The following COL26A1 variants were observed in gnomAD, a reference collection of about 807,000 sequenced individuals.
COL26A1 encodes the protein collagen type XXVI alpha 1 chain, also known as collagen alpha-1(XXVI) chain.
Under a neutral mutation model 59.3 loss-of-function variants are expected in COL26A1, and 41 were observed. That is an observed-to-expected ratio of 0.69 (90% CI 0.54 to 0.90). The LOEUF (loss-of-function observed/expected upper bound fraction) is 0.90. Ranked by LOEUF, COL26A1 falls within the 40% of genes least tolerant of loss-of-function variation. The pLI is 0.00. For synonymous variants in COL26A1, 266 were observed against 256.0 expected, an observed-to-expected ratio of 1.04 and a Z score of -0.37; for missense variants, 612 against 602.3, an observed-to-expected ratio of 1.02 and a Z score of -0.17.
intron 1 of COL26A1, among the ~76,000 whole-genome samples, chr7:101,388,282 G>A (rs909198636): frequency 1.3e-5 from 2 of 151,624 alleles, no homozygotes. Context: ...AGACCAGCCT[G>A]GCCAACATGG....
chr7:101,400,351 C>CTTTTTTTTTT lies in COL26A1; in HGVS notation c.159-19625_159-19624insTTTTTTTTTT, dbSNP rs1387032420. Among the ~76,000 whole-genome samples, 11 of 123,352 alleles carry CTTTTTTTTTT rather than the reference C, an allele frequency of 8.9e-5. 1 individual carries two copies. The highest frequency in any genetic ancestry group is 1.5e-4 in the Non-Finnish European group (9 of 59,072). The allele number at this position is 123,352 out of a possible 152,430, so 80.9% of individuals were successfully genotyped here. A position where few individuals can be genotyped will look rare whatever the true frequency, so the allele number is the denominator to read the frequency against. ...GTCCACACTGCCTTTCTTTTTTTTC[C>CTTTTTTTTTT]TATTTTTTTTTTTTTTTTTTTTTTT... On this transcript the variant is annotated intron_variant, in intron 1 of 12. Transcript: ENST00000313669.
chr7:101,445,776 G>A (rs1355145583), intron 2 of COL26A1, among the ~76,000 whole-genome samples: 1 of 144,236 alleles, frequency 6.9e-6, no homozygotes, highest in Non-Finnish European at 1.5e-5. Flanking sequence ...GGCACCAGGC[G>A]CGGTGGCCCA....
intron 3 of COL26A1, among the ~76,000 whole-genome samples, chr7:101,485,899 A>G (rs1794258341): frequency 6.6e-6 from 1 of 152,134 alleles, no homozygotes; most frequent in Non-Finnish European, 1.5e-5. Context: ...GAGCCCGGGC[A>G]CGATGGCTCA....
At chr7:101,389,275 G>A (rs28623299) in intron 1 of COL26A1, among the ~76,000 whole-genome samples, 9,350 of 151,884 alleles carry the variant, frequency 0.062, 652 homozygotes, top group African/African-American at 0.16. Flanking sequence ...TTATTAAGCT[G>A]TTAGCCCTGT....
intron 8 of COL26A1, 42 bp downstream of exon 8, chr7:101,547,281 CCCCA>C: frequency 7.0e-7 from 1 of 1,436,658 alleles, no homozygotes; most frequent in Non-Finnish European, 9.5e-7. Context: ...GACTCCATCC[CCCCA>C]GGGCTGGCCT....
intron 7 of COL26A1, among the ~76,000 whole-genome samples, chr7:101,545,730 C>T (rs17135609): frequency 0.064 from 9,762 of 152,244 alleles, 1,035 homozygotes; most frequent in African/African-American, 0.22. Flanking sequence ...TAAGCATCCT[C>T]AAGTGGACCC....
At chr7:101,515,977 G>A (rs780545929) in intron 3 of COL26A1, among the ~76,000 whole-genome samples, 8 of 152,170 alleles carry the variant, frequency 5.3e-5, no homozygotes, top group Non-Finnish European at 7.4e-5. Context: ...TCTGGAAGGC[G>A]AGGGGGATGC....
intron 1 of COL26A1, among the ~76,000 whole-genome samples, chr7:101,367,035 G>A (rs768556927): frequency 7.2e-5 from 11 of 152,084 alleles, no homozygotes; most frequent in African/African-American, 1.2e-4. Context: ...CAATGTCCAC[G>A]TACTAGTTTT....
chr7:101,480,491 A>C (rs2130490766), intron 3 of COL26A1, among the ~76,000 whole-genome samples: 1 of 151,690 alleles, frequency 6.6e-6, no homozygotes. Context: ...TGATTGTTTT[A>C]ATTTATTTTT....
chr7:101,517,140 G>C (rs573210978), intron 3 of COL26A1, among the ~76,000 whole-genome samples: 1 of 152,060 alleles, frequency 6.6e-6, no homozygotes, highest in Non-Finnish European at 1.5e-5. Flanking sequence ...CCCATCTCCC[G>C]CCTGAGCTGA....
chr7:101,387,260 C>A (rs1791599590), intron 1 of COL26A1, among the ~76,000 whole-genome samples: 1 of 151,446 alleles, frequency 6.6e-6, no homozygotes, highest in Admixed American at 6.6e-5. Flanking sequence ...ACCAAATGTT[C>A]GTGTCAGGTA....
chr7:101,367,706 GCT>G (rs1411217378), intron 1 of COL26A1, among the ~76,000 whole-genome samples: 2 of 150,906 alleles, frequency 1.3e-5, no homozygotes, highest in East Asian at 1.9e-4. Context: ...AGAAATCAGA[GCT>G]CTCTCTCTTT....
intron 8 of COL26A1, among the ~76,000 whole-genome samples, chr7:101,548,933 C>T (rs139502741): frequency 6.6e-6 from 1 of 152,104 alleles, no homozygotes; most frequent in Non-Finnish European, 1.5e-5. Context: ...GGGGCTGCGT[C>T]GTGGACGAGG....
At chr7:101,513,251 A>C (rs919234270) in intron 3 of COL26A1, among the ~76,000 whole-genome samples, 5 of 151,220 alleles carry the variant, frequency 3.3e-5, no homozygotes, top group African/African-American at 1.2e-4. Flanking sequence ...CAAGTGATCC[A>C]CCCTCCTTGG....
intron 3 of COL26A1, among the ~76,000 whole-genome samples, chr7:101,490,423 C>T (rs62464349): frequency 0.41 from 61,778 of 151,670 alleles, 13,210 homozygotes; most frequent in African/African-American, 0.53. Context: ...AGAGGCAGGC[C>T]AGGCACAGTG....
intron 3 of COL26A1, among the ~76,000 whole-genome samples, chr7:101,495,644 C>G (rs1719953369): frequency 6.6e-6 from 1 of 151,324 alleles, no homozygotes; most frequent in African/African-American, 2.4e-5. Flanking sequence ...TGGTCTCAAT[C>G]TCCTGACCTT....
At chr7:101,373,085 T>G (rs941414152) in intron 1 of COL26A1, among the ~76,000 whole-genome samples, 4 of 152,166 alleles carry the variant, frequency 2.6e-5, no homozygotes, top group Admixed American at 6.5e-5. Context: ...GCCTTCATAG[T>G]CTGGGCTTTG....
chr7:101,531,202 A>C (rs2130635613), intron 3 of COL26A1, among the ~76,000 whole-genome samples: 1 of 152,002 alleles, frequency 6.6e-6, no homozygotes, highest in Non-Finnish European at 1.5e-5. Flanking sequence ...CGATCTCCTG[A>C]CCTCATGATC....
chr7:101,555,075 AGGATGGGGACAGTGGCTTT>A (rs1353023755), intron 11 of COL26A1, among the ~76,000 whole-genome samples: 1 of 143,170 alleles, frequency 7.0e-6, no homozygotes, highest in African/African-American at 3.0e-5. Flanking sequence ...AGGGCTGGGC[AGGATGGGGACAGTGGCTTT>A]GTCTCCTCAT....
Sources: gnomAD v4.1 joint callset for allele counts (sites outside exome capture counted in the v4.1 genomes callset) on GRCh38, gnomAD v4.1.1 for gene constraint, MANE v1.5 for transcripts, NCBI Gene and HGNC (gene_info 2026-07-23, HGNC 2026-07-21) for gene names.